Variants in ZFP91 observed in about 807,000 individuals in gnomAD.
The protein encoded by ZFP91 is ZFP91 zinc finger protein, atypical E3 ubiquitin ligase.
ZFP91 carries 7 observed loss-of-function variants against 63.5 expected under a neutral mutation model. The ratio of observed to expected loss-of-function variants is 0.11; its 90% CI spans 0.06 to 0.21. The LOEUF is 0.21. Ranked by LOEUF, ZFP91 falls within the 10% of genes least tolerant of loss-of-function variation. ZFP91 has a pLI of 1.00. For missense variants in ZFP91, 628 were observed against 736.6 expected (o/e 0.85, Z 1.71); for synonymous variants, 330 against 272.1 (o/e 1.21, Z -2.10).
chr11:58,589,233 A>G (rs575173486), intron 2 of ZFP91, among the ~76,000 whole-genome samples: 4 of 151,966 alleles, frequency 2.6e-5, no homozygotes, highest in Non-Finnish European at 5.9e-5. Context: ...CGCCATTTCC[A>G]GCTAATTGTT....
chr11:58,588,777 A>G (rs1855255661), intron 2 of ZFP91, among the ~76,000 whole-genome samples: 1 of 152,070 alleles, frequency 6.6e-6, no homozygotes, highest in African/African-American at 2.4e-5. Flanking sequence ...TATTATTTCT[A>G]AAAATACAGA....
chr11:58,585,599 T>C (rs946363087), intron 2 of ZFP91, among the ~76,000 whole-genome samples: 3 of 152,204 alleles, frequency 2.0e-5, no homozygotes, highest in African/African-American at 7.2e-5. Context: ...ACGTGTGACC[T>C]TGACCCAGGC....
chr11:58,617,484 G>A lies in ZFP91; in HGVS notation c.1491G>A (p.Glu497=). 6.2e-7 allele frequency: 1 copy of A among 1,614,130 alleles called. No individual in the cohort carries two copies. ...SDGQGLPLLP[E]PLGNSTSGEC... is the part of the protein sequence containing the mutation. Reference sequence around the variant, plus strand: ...GTCAGGGTCTTCCTCTTCTTCCTGAGCCCTTGGGAAACTCAACCTCTGGAG... The same window carrying A: ...GTCAGGGTCTTCCTCTTCTTCCTGAACCCTTGGGAAACTCAACCTCTGGAG... The change falls in exon 11 of 11, where the codon GAG becomes GAA. Residue 497 remains glutamate (E), a synonymous_variant. Transcript: ENST00000316059. The surrounding 1 kb of genome is among the most constrained non-coding windows in gnomAD (Gnocchi z 4.2).
chr11:58,610,309 G>A lies in ZFP91; in HGVS notation c.592G>A (p.Glu198Lys). The A allele has an allele frequency of 6.3e-7, 1 of 1,598,098 alleles. No individual in the cohort carries two copies. The highest frequency in any genetic ancestry group is 8.5e-7 in the Non-Finnish European group (1 of 1,175,460). ...TDQLDYDVGEEHQSPGGISSE... is the reference protein window; with the variant it reads ...TDQLDYDVGEKHQSPGGISSE... ...CTTTGTTTTTCTAGATGTTGGAGAA[G>A]AGCATCAGTCTCCAGGTGGCATTAG... The change falls in exon 4 of 11, where the codon GAG becomes AAG. Residue 198 changes from glutamate (E) to lysine (K), a missense_variant. By Grantham distance (56) the Glu-to-Lys change is moderately conservative. Transcript: ENST00000316059.
Position 58,610,441 on chromosome 11 carries a change from G to A in ZFP91, c.617+107G>A, listed in dbSNP as rs1027418705. 12 of 1,112,560 alleles carry A rather than the reference G, an allele frequency of 1.1e-5. No homozygotes were observed. The Admixed American group carries it at 1.4e-4, about 13-fold the overall frequency. 68.9% of individuals were successfully genotyped at this position (1,112,560 alleles called of 1,614,324 possible). On this transcript the variant is annotated intron_variant, in intron 4 of 10. Coordinates refer to ENST00000316059, the MANE Select transcript of ZFP91 (RefSeq NM_053023.5). ...TTTGAAATTATTTTGAGCTGTAAGA[G>A]AAATTAACTTCAGTTTTGATACTGC...
Position 58,609,490 on chromosome 11 carries a change from G to T in ZFP91, c.371-340G>T, listed in dbSNP as rs1028700330. 5.5e-4 allele frequency among the ~76,000 whole-genome samples: 84 copies of T among 152,066 alleles called. 1 individual carries two copies. Among genetic ancestry groups the T allele is most frequent in the Non-Finnish European group, 7.4e-5 (5 of 67,998 alleles). Reference sequence around the variant, plus strand: ...CCTCTGTAGTTCTGGTCATCTTTTTGGGACTAATTAATTTAGTTTCTTTTA... The same window carrying T: ...CCTCTGTAGTTCTGGTCATCTTTTTTGGACTAATTAATTTAGTTTCTTTTA... On this transcript the variant is annotated intron_variant, in intron 2 of 10. Coordinates refer to ENST00000316059, the MANE Select transcript of ZFP91 (RefSeq NM_053023.5).
Position 58,609,938 on chromosome 11 carries a change from C to A in ZFP91, c.479C>A (p.Ser160Tyr), listed in dbSNP as rs760934001. Residue 160 changes from serine to tyrosine, a missense_variant, in exon 3 of 11, where the codon TCT becomes TAT. Coordinates refer to ENST00000316059, the MANE Select transcript of ZFP91 (RefSeq NM_053023.5). ...TGGCGTAGTAGTAGGACATCTGTTTCTCGCCATCGTGATACAGAGAACACC... is the reference window on the plus strand; with the variant it reads ...TGGCGTAGTAGTAGGACATCTGTTTATCGCCATCGTGATACAGAGAACACC... ...RGWRSSRTSV[S>Y]RHRDTENTRS... 13 of 1,614,074 alleles carry A rather than the reference C, an allele frequency of 8.1e-6. No homozygotes were observed. The highest frequency in any genetic ancestry group is 1.0e-5 in the Non-Finnish European group (12 of 1,180,028).
chr11:58,605,838 C>T (rs184687406), intron 2 of ZFP91, among the ~76,000 whole-genome samples: 78 of 152,108 alleles, frequency 5.1e-4, no homozygotes, highest in African/African-American at 1.7e-3. Context: ...TTCATTTTCT[C>T]CTCTCCTTCT....
At chr11:58,586,157 TAG>T (rs1484185991) in intron 2 of ZFP91, among the ~76,000 whole-genome samples, 1 of 152,194 alleles carries the variant, frequency 6.6e-6, no homozygotes. Context: ...GGAGAAAATA[TAG>T]AGACAGGTAA....
chr11:58,581,770 G>A (rs568308173), intron 1 of ZFP91, among the ~76,000 whole-genome samples: 2 of 152,272 alleles, frequency 1.3e-5, no homozygotes, highest in East Asian at 1.9e-4. Context: ...TACTAGTGAC[G>A]CTTTAATTCC....
Position 58,584,893 on chromosome 11 carries a change from T to C in ZFP91, c.370+9T>C. The C allele has an allele frequency of 6.6e-7, 1 of 1,518,804 alleles. No homozygotes were observed. The highest frequency in any genetic ancestry group is 8.8e-7 in the Non-Finnish European group (1 of 1,142,268). The allele number at this position is 1,518,804 out of a possible 1,614,324, so 94.1% of individuals were successfully genotyped here. On this transcript the variant is annotated intron_variant, in intron 2 of 10. Coordinates refer to ENST00000316059, the MANE Select transcript of ZFP91 (RefSeq NM_053023.5). The stretch of plus-strand genomic sequence containing the variant: ...AGTAACAACTGATAAAGGTAAGACT[T>C]GGTCATCCTTACCTCTAGCGTACAT...
At chr11:58,607,951 C>T (rs1044150317) in intron 2 of ZFP91, among the ~76,000 whole-genome samples, 5 of 151,802 alleles carry the variant, frequency 3.3e-5, no homozygotes, top group African/African-American at 1.2e-4. Context: ...GTTTATATTT[C>T]TAGGGCATAT....
At position 58,602,507 on chromosome 11, in the gene ZFP91, T is replaced by C. The variant is rs541636919; in HGVS notation, c.371-7323T>C. Among the ~76,000 whole-genome samples, 3 of 152,336 alleles carry C rather than the reference T, an allele frequency of 2.0e-5. 1 individual carries two copies. The highest frequency in any genetic ancestry group is 3.9e-4 in the East Asian group (2 of 5,192). ...GCTATGTATAGGTTTATATTTATTATATTTTCTAGATTGATTGACCCTCTC... is the reference window on the plus strand; with the variant it reads ...GCTATGTATAGGTTTATATTTATTACATTTTCTAGATTGATTGACCCTCTC... On this transcript the variant is annotated intron_variant, in intron 2 of 10. Transcript: ENST00000316059.
intron 2 of ZFP91, among the ~76,000 whole-genome samples, chr11:58,601,151 A>G (rs1472866009): frequency 3.3e-5 from 5 of 152,126 alleles, no homozygotes; most frequent in South Asian, 2.1e-4. Context: ...TCCATCTTCT[A>G]TTTTTTAAGA....
At chr11:58,602,271 A>G (rs975499615) in intron 2 of ZFP91, among the ~76,000 whole-genome samples, 1 of 152,004 alleles carries the variant, frequency 6.6e-6, no homozygotes, top group Non-Finnish European at 1.5e-5. Context: ...TAATATGTCT[A>G]ATTTTTTAAT....
At chr11:58,601,490 T>C (rs759678407) in intron 2 of ZFP91, among the ~76,000 whole-genome samples, 18 of 152,196 alleles carry the variant, frequency 1.2e-4, no homozygotes, top group Admixed American at 3.3e-4. Context: ...AGTTTGTTGA[T>C]TTTGTTATCT....
chr11:58,579,279 C>T lies in ZFP91; in HGVS notation c.-3C>T. The T allele has an allele frequency of 4.8e-6, 7 of 1,445,406 alleles. No homozygotes were observed. The highest frequency in any genetic ancestry group is 6.3e-6 in the Non-Finnish European group (7 of 1,107,518). 89.5% of individuals were successfully genotyped at this position (1,445,406 alleles called of 1,614,324 possible). On this transcript the variant is annotated 5_prime_UTR_variant, in exon 1 of 11. Coordinates refer to ENST00000316059, the MANE Select transcript of ZFP91 (RefSeq NM_053023.5). ...CTAGGGGGTGGGGGACGGACAAGCC[C>T]CGATGCCGGGGGAGACGGAAGAGCC...
intron 1 of ZFP91, among the ~76,000 whole-genome samples, chr11:58,584,644 CAATTACATGAA>C (rs1855173846): frequency 6.6e-6 from 1 of 152,060 alleles, no homozygotes; most frequent in Admixed American, 6.5e-5. Context: ...TTCAGTTTCA[CAATTACATGAA>C]CTGTTTCAAG....
chr11:58,604,751 A>G (rs1855544363), intron 2 of ZFP91, among the ~76,000 whole-genome samples: 1 of 152,168 alleles, frequency 6.6e-6, no homozygotes. Flanking sequence ...AAATTTTTTT[A>G]TCTTATCAGC....
Sources: gnomAD v4.1 joint callset for allele counts (sites outside exome capture counted in the v4.1 genomes callset) on GRCh38, gnomAD v4.1.1 for gene constraint, Gnocchi (gnomAD v3.1) non-coding constraint, MANE v1.5 for transcripts, NCBI Gene and HGNC (gene_info 2026-07-23, HGNC 2026-07-21) for gene names.